Variants in SLC9B1 observed in about 807,000 individuals in gnomAD.
The protein encoded by SLC9B1 is solute carrier family 9 member B1, also known as sodium/hydrogen exchanger 9B1.
A neutral mutation model predicts 51.7 loss-of-function variants in SLC9B1; 32 were observed. The observed-to-expected ratio is 0.62, with a 90% CI of 0.47 to 0.83. SLC9B1 has a LOEUF of 0.83. Ranked by LOEUF, SLC9B1 falls within the 40% of genes least tolerant of loss-of-function variation. SLC9B1 has a pLI of 0.00. For synonymous variants in SLC9B1, 145 were observed against 212.7 expected, an observed-to-expected ratio of 0.68 and a Z score of 2.77; for missense variants, 406 against 613.2, an observed-to-expected ratio of 0.66 and a Z score of 3.57.
At chr4:102,885,829 G>A (rs1733882350) in intron 11 of SLC9B1, among the ~76,000 whole-genome samples, 1 of 152,158 alleles carries the variant, frequency 6.6e-6, no homozygotes, top group Non-Finnish European at 1.5e-5. Context: ...TTCAGGGTTT[G>A]TTTTAACCTG....
chr4:103,014,776 A>C (rs1470864714), intron 1 of SLC9B1: 1 of 152,174 alleles, frequency 6.6e-6, no homozygotes, highest in Non-Finnish European at 1.5e-5. Context: ...CTTTGCATAC[A>C]ATAGAGTGTA....
intron 8 of SLC9B1, 27 bp from the exon 9 acceptor site, chr4:102,910,615 T>C: frequency 9.7e-7 from 1 of 1,036,172 alleles, no homozygotes; most frequent in Non-Finnish European, 1.3e-6. Flanking sequence ...ATTTAGAAAT[T>C]AGTTTATATT....
intron 3 of SLC9B1, among the ~76,000 whole-genome samples, chr4:102,968,756 G>A (rs1194665857): frequency 6.6e-6 from 1 of 152,258 alleles, no homozygotes; most frequent in Admixed American, 6.5e-5. Context: ...AGCACAAGGG[G>A]TCGGGGGATT....
chr4:103,006,416 A>G (rs28778380), intron 1 of SLC9B1, among the ~76,000 whole-genome samples: 82,469 of 151,804 alleles, frequency 0.54, 22,934 homozygotes, highest in African/African-American at 0.67. Context: ...AATTTCTGGA[A>G]ACGTACAACC....
intron 1 of SLC9B1, among the ~76,000 whole-genome samples, chr4:103,008,803 T>C (rs112076604): frequency 6.8e-6 from 1 of 146,772 alleles, no homozygotes; most frequent in Admixed American, 6.7e-5. Context: ...GTTTCTTTTT[T>C]TTTTTTTTTT....
intron 6 of SLC9B1, among the ~76,000 whole-genome samples, chr4:102,937,660 G>C (rs2110464730): frequency 7.1e-6 from 1 of 140,288 alleles, no homozygotes; most frequent in South Asian, 2.3e-4. Flanking sequence ...GGAGGTGGAG[G>C]TTGCAGTGAG....
At chr4:102,943,184 G>A (rs946926884) in intron 6 of SLC9B1, among the ~76,000 whole-genome samples, 2 of 149,522 alleles carry the variant, frequency 1.3e-5, no homozygotes, top group African/African-American at 5.0e-5. Flanking sequence ...AAAAATAGAT[G>A]TTGCCATGGG....
intron 1 of SLC9B1, among the ~76,000 whole-genome samples, chr4:102,993,428 G>C (rs1005628451): frequency 6.6e-6 from 1 of 152,236 alleles, no homozygotes; most frequent in African/African-American, 2.4e-5. Flanking sequence ...TGATGCAAGA[G>C]GTGGGCTCCC....
At chr4:102,964,198 A>C (rs560576747) in intron 3 of SLC9B1, among the ~76,000 whole-genome samples, 48 of 152,170 alleles carry the variant, frequency 3.2e-4, no homozygotes, top group African/African-American at 1.1e-3. Context: ...GACAACTTAG[A>C]TAAAATAGAA....
Position 102,905,524 on chromosome 4 carries a change from G to C in SLC9B1, c.1322C>G (p.Ala441Gly). The change falls in exon 11 of 12, where the codon GCT (alanine) becomes GGT (glycine). Residue 441 changes from alanine to glycine, a missense_variant. By Grantham distance (60) the Ala-to-Gly change is moderately conservative. This residue lies in a region of SLC9B1 where 24 missense variants were observed against 30.7 expected (regional missense o/e 0.78). Transcript: ENST00000296422. ...TTAATATGTTCTTACCTGTACTGTA[G>C]CTTTGGGCATCCATGCTAAAGCAAT... is the stretch of plus-strand genomic sequence containing the variant. ...IFIALAWMPK[A>G]TVQAVLGPLA... 1.9e-6 allele frequency: 3 copies of C among 1,610,680 alleles called. No individual in the cohort carries two copies. Among genetic ancestry groups the C allele is most frequent in the Non-Finnish European group, 2.5e-6 (3 of 1,178,960 alleles).
intron 11 of SLC9B1, chr4:102,887,638 C>G (rs1733998739): frequency 2.5e-6 from 1 of 401,094 alleles, no homozygotes; most frequent in Non-Finnish European, 4.5e-6. Context: ...AATGTATCTT[C>G]CAACAATAAA....
chr4:102,887,926 A>T lies in SLC9B1; in HGVS notation c.1333-2598T>A, dbSNP rs1734018554. ...CACAGAGATAGACTCTTTGCTTTATAGAGATTGTTGTGTATTTAATATGAA... is the reference window on the plus strand; with the variant it reads ...CACAGAGATAGACTCTTTGCTTTATTGAGATTGTTGTGTATTTAATATGAA... On this transcript the variant is annotated intron_variant, in intron 11 of 11. Coordinates refer to the SLC9B1 transcript ENST00000394789. The T allele has an allele frequency of 1.3e-5, 2 of 156,646 alleles. 1 individual carries two copies. The highest frequency in any genetic ancestry group is 3.8e-4 in the South Asian group (2 of 5,256). The allele number at this position is 156,646 out of a possible 1,614,324, so 9.7% of individuals were successfully genotyped here. A position where few individuals can be genotyped will look rare whatever the true frequency, so the allele number is the denominator to read the frequency against.
intron 3 of SLC9B1, among the ~76,000 whole-genome samples, chr4:102,961,427 C>G (rs1738117460): frequency 6.6e-6 from 1 of 152,292 alleles, no homozygotes; most frequent in African/African-American, 2.4e-5. Flanking sequence ...CTAAACCTCC[C>G]CAGCCTCTCA....
At chr4:102,925,397 C>A (rs1300218773) in intron 7 of SLC9B1, among the ~76,000 whole-genome samples, 9 of 151,878 alleles carry the variant, frequency 5.9e-5, no homozygotes, top group African/African-American at 1.7e-4. Flanking sequence ...CACACTGGGG[C>A]CTGTCATGGA....
chr4:103,011,258 A>G (rs1260781730), intron 1 of SLC9B1, among the ~76,000 whole-genome samples: 1 of 152,216 alleles, frequency 6.6e-6, no homozygotes, highest in Admixed American at 6.5e-5. Flanking sequence ...AAATCTTGAG[A>G]CTTGAGAATA....
At position 102,932,268 on chromosome 4, in the gene SLC9B1, C is replaced by G; in HGVS notation, c.685G>C (p.Val229Leu). The G allele has an allele frequency of 6.2e-7, 1 of 1,611,754 alleles. No individual in the cohort carries two copies. The highest frequency in any genetic ancestry group is 8.5e-7 in the Non-Finnish European group (1 of 1,179,768). ...TGCAGCACCATCATGTAAGGGACAA[C>G]AACAGCAGGAGAGACAGCACCTAGA... Reference protein sequence around the residue: ...FVLGAVSPAVVVPYMMVLQEN... With the variant: ...FVLGAVSPAVLVPYMMVLQEN... The change falls in exon 7 of 12, where the codon GTT becomes CTT. Residue 229 changes from valine to leucine, a missense_variant. Around this residue, in one of 6 missense-constraint regions of SLC9B1, gnomAD observed 250 missense variants for 394.1 expected, o/e 0.63. Coordinates refer to ENST00000296422, the MANE Select transcript of SLC9B1 (RefSeq NM_139173.4).
chr4:102,978,072 C>T (rs931765638), intron 3 of SLC9B1, among the ~76,000 whole-genome samples: 1 of 152,044 alleles, frequency 6.6e-6, no homozygotes, highest in African/African-American at 2.4e-5. Context: ...GGTTTTTTGT[C>T]CTTGCGATAG....
chr4:102,946,018 A>G (rs1737248044), intron 5 of SLC9B1, among the ~76,000 whole-genome samples: 1 of 152,150 alleles, frequency 6.6e-6, no homozygotes, highest in South Asian at 2.1e-4. Context: ...AAAATGTCAT[A>G]AAAAAATTAC....
chr4:102,918,724 G>C lies in SLC9B1; in HGVS notation c.830-7187C>G, dbSNP rs372244110. On this transcript the variant is annotated intron_variant, in intron 7 of 11. Transcript: ENST00000296422. Reference sequence around the variant, plus strand: ...ACAAAGAGAAGGTGCTATCTATAGTGAATATAGTGACCTCACCAGTCACTG... The same window carrying C: ...ACAAAGAGAAGGTGCTATCTATAGTCAATATAGTGACCTCACCAGTCACTG... Among the ~76,000 whole-genome samples, 23 of 152,312 alleles carry C rather than the reference G, an allele frequency of 1.5e-4. 1 individual carries two copies. In the South Asian group the frequency reaches 4.6e-3, roughly 30 times the overall value.
Sources: allele counts gnomAD v4.1 joint callset (sites outside exome capture counted in the v4.1 genomes callset), GRCh38; gene constraint gnomAD v4.1.1; regional missense constraint gnomAD v4.1.1; transcripts MANE v1.5; gene names NCBI Gene and HGNC (gene_info 2026-07-23, HGNC 2026-07-21).